The following FBXL20 variants were observed in gnomAD, a reference collection of about 807,000 sequenced individuals.
FBXL20 encodes the protein F-box and leucine rich repeat protein 20, also known as F-box/LRR-repeat protein 20.
Under a neutral mutation model 64.0 loss-of-function variants are expected in FBXL20, and 11 were observed. That is an observed-to-expected ratio of 0.17 (90% CI 0.11 to 0.28). The LOEUF is 0.28. FBXL20 is among the 10% of genes least tolerant of loss of function. The probability of loss-of-function intolerance (pLI) is 1.00; values close to 1 mark genes in which losing one functional copy is unlikely to be tolerated. For synonymous variants in FBXL20, 184 were observed against 189.0 expected (o/e 0.97, Z 0.22); for missense variants, 303 against 526.2 (o/e 0.58, Z 4.15).
At chr17:39,346,790 C>T (rs562075450) in intron 1 of FBXL20, among the ~76,000 whole-genome samples, 1 of 151,924 alleles carries the variant, frequency 6.6e-6, no homozygotes, top group South Asian at 2.1e-4. Context: ...TGTGCTGCAC[C>T]CGTTAACTCG....
rs914951496 is a variant in FBXL20 at position 39,252,709 on chromosome 17, A to C, written c.*8751T>G. 2 of 151,888 alleles carry C rather than the reference A, an allele frequency of 1.3e-5. No individual in the cohort carries two copies. The highest frequency in any genetic ancestry group is 1.5e-5 in the Non-Finnish European group (1 of 67,974). 9.4% of individuals were successfully genotyped at this position (151,888 alleles called of 1,614,324 possible). ...TTACATCATAAAACAAAATTAGAACATACAAGAAACAATAATAGTTACATA... is the reference window on the plus strand; with the variant it reads ...TTACATCATAAAACAAAATTAGAACCTACAAGAAACAATAATAGTTACATA... On this transcript the variant is annotated 3_prime_UTR_variant, in exon 15 of 15. Coordinates refer to ENST00000264658, the MANE Select transcript of FBXL20 (RefSeq NM_032875.3).
At chr17:39,283,544 T>C (rs1567863094) in intron 7 of FBXL20, among the ~76,000 whole-genome samples, 1 of 152,176 alleles carries the variant, frequency 6.6e-6, no homozygotes, top group East Asian at 1.9e-4. Flanking sequence ...CAACTGATCC[T>C]CCCGCCTCAG....
chr17:39,374,268 C>T (rs2047946010), intron 1 of FBXL20, among the ~76,000 whole-genome samples: 1 of 151,810 alleles, frequency 6.6e-6, no homozygotes, highest in Admixed American at 6.6e-5. Flanking sequence ...ATGGCTCACG[C>T]CTGTAATCCT....
At chr17:39,358,062 G>A (rs368331178) in intron 1 of FBXL20, among the ~76,000 whole-genome samples, 13 of 152,292 alleles carry the variant, frequency 8.5e-5, no homozygotes, top group East Asian at 5.8e-4. Flanking sequence ...ATGTAATCCA[G>A]TCAGAGTCCA....
intron 1 of FBXL20, among the ~76,000 whole-genome samples, chr17:39,368,225 C>T (rs2047880722): frequency 6.6e-6 from 1 of 151,944 alleles, no homozygotes; most frequent in African/African-American, 2.4e-5. Context: ...CTTATCTCTA[C>T]AAAACAATAA....
At chr17:39,402,395 G>A (rs747560344), upstream of FBXL20, 166 of 410,342 alleles carry the variant, frequency 4.0e-4, no homozygotes, top group Admixed American at 6.7e-4. Context: ...TGCATGGCTC[G>A]GGAGGGCGAG....
At chr17:39,325,539 T>C (rs1028369772) in intron 2 of FBXL20, among the ~76,000 whole-genome samples, 1 of 152,178 alleles carries the variant, frequency 6.6e-6, no homozygotes, top group Non-Finnish European at 1.5e-5. Flanking sequence ...TGACAATTTC[T>C]AGTTTTACAG....
intron 1 of FBXL20, among the ~76,000 whole-genome samples, chr17:39,348,670 TA>T (rs2047657787): frequency 1.3e-5 from 2 of 152,292 alleles, no homozygotes; most frequent in Admixed American, 1.3e-4. Flanking sequence ...GATGCACTCA[TA>T]GGCAGTAATT....
intron 9 of FBXL20, among the ~76,000 whole-genome samples, chr17:39,279,607 G>A (rs2046930326): frequency 6.6e-6 from 1 of 151,832 alleles, no homozygotes; most frequent in Admixed American, 6.6e-5. Flanking sequence ...AGCTAAAGGT[G>A]TACTGTTGGC....
At chr17:39,348,783 T>G (rs1020579768) in intron 1 of FBXL20, among the ~76,000 whole-genome samples, 4 of 152,138 alleles carry the variant, frequency 2.6e-5, no homozygotes, top group African/African-American at 9.7e-5. Flanking sequence ...CACTGCAGCC[T>G]TGACCTCCGG....
chr17:39,345,776 A>G (rs1437063290), intron 1 of FBXL20, among the ~76,000 whole-genome samples: 1 of 152,144 alleles, frequency 6.6e-6, no homozygotes, highest in Non-Finnish European at 1.5e-5. Flanking sequence ...CCTGAGCTCA[A>G]CGGATCCTCC....
intron 1 of FBXL20, among the ~76,000 whole-genome samples, chr17:39,366,858 T>C (rs1176491077): frequency 6.6e-6 from 1 of 151,464 alleles, no homozygotes; most frequent in African/African-American, 2.4e-5. Context: ...AGCCTCTTGG[T>C]CTGAGGTTAT....
chr17:39,401,587 G>A lies in FBXL20; in HGVS notation c.-185C>T. The A allele has an allele frequency of 2.1e-6, 3 of 1,403,910 alleles. No individual in the cohort carries two copies. The highest frequency in any genetic ancestry group is 5.6e-5 in the East Asian group (2 of 35,476). 87.0% of individuals were successfully genotyped at this position (1,403,910 alleles called of 1,614,324 possible). On this transcript the variant is annotated 5_prime_UTR_variant, in exon 1 of 15. Transcript: ENST00000264658. ...GCCTCCACCACCTCCCGCGGCGCCG[G>A]CGGCCGCAACGACTGCTCGTCGCTA... is the stretch of plus-strand genomic sequence containing the variant.
chr17:39,395,402 C>T (rs1157173741), intron 1 of FBXL20, among the ~76,000 whole-genome samples: 2 of 152,270 alleles, frequency 1.3e-5, no homozygotes, highest in East Asian at 3.9e-4. Flanking sequence ...CCAGCCTGGG[C>T]AACAGAGTGA....
chr17:39,370,794 CAAA>C (rs34338616), intron 1 of FBXL20, among the ~76,000 whole-genome samples: 5 of 75,634 alleles, frequency 6.6e-5, no homozygotes, highest in Non-Finnish European at 8.1e-5. Context: ...GACTCCGTCT[CAAA>C]AAAAAAAAAA....
At chr17:39,318,539 G>A (rs561180826) in intron 2 of FBXL20, among the ~76,000 whole-genome samples, 4 of 152,126 alleles carry the variant, frequency 2.6e-5, no homozygotes, top group South Asian at 2.1e-4. Flanking sequence ...TCGAGAGTTC[G>A]AGACCAGCCT....
chr17:39,262,186 G>A (rs1196602613), intron 14 of FBXL20, among the ~76,000 whole-genome samples: 1 of 152,142 alleles, frequency 6.6e-6, no homozygotes, highest in East Asian at 1.9e-4. Flanking sequence ...CTCTATGTCT[G>A]AAGAGGGGAA....
intron 14 of FBXL20, among the ~76,000 whole-genome samples, chr17:39,261,898 T>C (rs978305288): frequency 1.3e-5 from 2 of 152,006 alleles, no homozygotes; most frequent in African/African-American, 2.4e-5. Flanking sequence ...CAGGCTAACA[T>C]GGTGAAACCC....
chr17:39,367,256 G>C (rs1277162623), intron 1 of FBXL20, among the ~76,000 whole-genome samples: 1 of 151,032 alleles, frequency 6.6e-6, no homozygotes, highest in Non-Finnish European at 1.5e-5. Context: ...TGGTTTCTCT[G>C]TCCTCTCATT....
Sources: gnomAD v4.1 joint callset for allele counts (sites outside exome capture counted in the v4.1 genomes callset) on GRCh38, gnomAD v4.1.1 for gene constraint, MANE v1.5 for transcripts, NCBI Gene and HGNC (gene_info 2026-07-23, HGNC 2026-07-21) for gene names.